The following LUZP2 variants were observed in gnomAD, a reference collection of about 807,000 sequenced individuals.
LUZP2 encodes leucine zipper protein 2.
Under a neutral mutation model 51.6 loss-of-function variants are expected in LUZP2, and 52 were observed. The ratio of observed to expected loss-of-function variants is 1.01; its 90% CI spans 0.81 to 1.27. The LOEUF is 1.27. LUZP2 is among the 50% of genes most tolerant of loss of function. The pLI is 0.00. For missense variants in LUZP2, 436 were observed against 395.4 expected, an observed-to-expected ratio of 1.10 and a Z score of -0.87; for synonymous variants, 154 against 137.3, an observed-to-expected ratio of 1.12 and a Z score of -0.85.
At chr11:24,650,904 A>G (rs1855605450) in intron 1 of LUZP2, among the ~76,000 whole-genome samples, 1 of 152,018 alleles carries the variant, frequency 6.6e-6, no homozygotes, top group Admixed American at 6.6e-5. Context: ...AACTTTTGTA[A>G]GTCTCAATTT....
intron 1 of LUZP2, among the ~76,000 whole-genome samples, chr11:24,550,543 T>C (rs186380647): frequency 2.6e-5 from 4 of 152,204 alleles, no homozygotes; most frequent in African/African-American, 7.2e-5. Flanking sequence ...CAATCACTTA[T>C]AGAGGCAGGA....
At chr11:24,643,611 T>G (rs1395860396) in intron 1 of LUZP2, among the ~76,000 whole-genome samples, 7 of 152,206 alleles carry the variant, frequency 4.6e-5, no homozygotes, top group African/African-American at 1.7e-4. Flanking sequence ...TAATTGAATT[T>G]GAATTACAGT....
chr11:24,697,201 C>A (rs1160742245), intron 1 of LUZP2, among the ~76,000 whole-genome samples: 1 of 152,036 alleles, frequency 6.6e-6, no homozygotes, highest in Non-Finnish European at 1.5e-5. Context: ...ATTAACCAGG[C>A]TACTTGTGAA....
intron 7 of LUZP2, among the ~76,000 whole-genome samples, chr11:24,972,159 A>AAAC (rs1554948121): frequency 6.6e-6 from 1 of 151,374 alleles, no homozygotes; most frequent in Non-Finnish European, 1.5e-5. Context: ...AAAAAAAAAA[A>AAAC]AAACACTTGG....
intron 1 of LUZP2, among the ~76,000 whole-genome samples, chr11:24,667,237 G>T (rs1461251435): frequency 6.9e-6 from 1 of 145,578 alleles, no homozygotes; most frequent in Non-Finnish European, 1.5e-5. Flanking sequence ...AGGCTGGAGT[G>T]CAGTGGCACG....
chr11:24,796,732 TAAGTG>T (rs1216589329), intron 5 of LUZP2, among the ~76,000 whole-genome samples: 1 of 152,132 alleles, frequency 6.6e-6, no homozygotes, highest in Non-Finnish European at 1.5e-5. Context: ...AATACGTTTT[TAAGTG>T]AAGTATTGCT....
At chr11:24,962,177 A>G (rs1350073067) in intron 7 of LUZP2, among the ~76,000 whole-genome samples, 1 of 152,050 alleles carries the variant, frequency 6.6e-6, no homozygotes, top group Non-Finnish European at 1.5e-5. Flanking sequence ...GGCTGCCCTT[A>G]ACATTTTTTC....
At chr11:25,000,101 G>A (rs541632727) in intron 9 of LUZP2, among the ~76,000 whole-genome samples, 61 of 151,824 alleles carry the variant, frequency 4.0e-4, no homozygotes, top group South Asian at 1.5e-3. Context: ...TGATTGGTGC[G>A]GTTACAAACC....
intron 1 of LUZP2, among the ~76,000 whole-genome samples, chr11:24,698,039 A>C (rs925590055): frequency 7.9e-5 from 12 of 152,154 alleles, no homozygotes; most frequent in Admixed American, 3.9e-4. Flanking sequence ...CCTTCCTGCC[A>C]AATTGTCCTT....
chr11:24,800,290 GC>G (rs1427266453), intron 5 of LUZP2, among the ~76,000 whole-genome samples: 1 of 152,138 alleles, frequency 6.6e-6, no homozygotes, highest in Admixed American at 6.6e-5. Context: ...AGACTCCGTG[GC>G]CCCCTCCTCC....
chr11:24,817,971 T>C (rs767374654), intron 5 of LUZP2, among the ~76,000 whole-genome samples: 6 of 152,078 alleles, frequency 3.9e-5, no homozygotes, highest in Non-Finnish European at 8.8e-5. Context: ...AGGTTACATA[T>C]GCTTATGAAT....
At chr11:24,546,499 A>T (rs779508808) in intron 1 of LUZP2, among the ~76,000 whole-genome samples, 2 of 152,054 alleles carry the variant, frequency 1.3e-5, no homozygotes, top group Non-Finnish European at 2.9e-5. Flanking sequence ...GAATTTTATC[A>T]AAAGCTTTTT....
chr11:24,971,632 T>C (rs1236176482), intron 7 of LUZP2, among the ~76,000 whole-genome samples: 1 of 152,112 alleles, frequency 6.6e-6, no homozygotes, highest in African/African-American at 2.4e-5. Context: ...GTATCTAAAA[T>C]AGAAGTTTTA....
At chr11:24,647,690 T>A (rs1274383180) in intron 1 of LUZP2, among the ~76,000 whole-genome samples, 1 of 152,012 alleles carries the variant, frequency 6.6e-6, no homozygotes, top group Non-Finnish European at 1.5e-5. Context: ...GCTTATTTTT[T>A]GATTTGTTTA....
intron 1 of LUZP2, among the ~76,000 whole-genome samples, chr11:24,530,450 A>G (rs79351456): frequency 0.014 from 2,132 of 150,984 alleles, 41 homozygotes; most frequent in African/African-American, 0.05. Context: ...TACATATATG[A>G]AATATAAATG....
rs7122780 is a variant in LUZP2 at position 24,852,681 on chromosome 11, A to G, written c.397-53310A>G. On this transcript the variant is annotated intron_variant, in intron 5 of 11. Coordinates refer to ENST00000336930, the MANE Select transcript of LUZP2 (RefSeq NM_001009909.4). ...TCTTTGTTAATTTTCTGTTTCGTTG[A>G]TCTGTCTGTTATTGTGTGGGAGTCT... Among the ~76,000 whole-genome samples, 1,060 of 151,172 alleles carry G rather than the reference A, an allele frequency of 7.0e-3. 13 individuals carry two copies. The highest frequency in any genetic ancestry group is 0.024 in the African/African-American group (1,000 of 41,348).
intron 5 of LUZP2, among the ~76,000 whole-genome samples, chr11:24,828,161 A>G (rs117067294): frequency 0.024 from 3,662 of 152,234 alleles, 68 homozygotes; most frequent in Non-Finnish European, 0.028. Context: ...CTTCTTTTGA[A>G]GACATCAAAG....
intron 1 of LUZP2, among the ~76,000 whole-genome samples, chr11:24,602,387 T>TACACAC (rs71041785): frequency 0.15 from 19,116 of 129,286 alleles, 1,756 homozygotes; most frequent in Middle Eastern, 0.27. Flanking sequence ...TATATATATA[T>TACACAC]ACACACACAC....
chr11:24,669,075 C>G (rs2133997872), intron 1 of LUZP2, among the ~76,000 whole-genome samples: 1 of 152,092 alleles, frequency 6.6e-6, no homozygotes, highest in African/African-American at 2.4e-5. Flanking sequence ...CAAGGTGCAA[C>G]ACCAAAAAAG....
Sources: gnomAD v4.1 joint callset for allele counts (sites outside exome capture counted in the v4.1 genomes callset) on GRCh38, gnomAD v4.1.1 for gene constraint, MANE v1.5 for transcripts, NCBI Gene and HGNC (gene_info 2026-07-23, HGNC 2026-07-21) for gene names.